CSNK1G3: variants seen among roughly 807,000 people sequenced by gnomAD.
CSNK1G3 encodes casein kinase I isoform gamma-3.
Under a neutral mutation model 64.3 loss-of-function variants are expected in CSNK1G3, and 23 were observed. The observed-to-expected ratio is 0.36, with a 90% CI of 0.26 to 0.51. The LOEUF is 0.51. Among genes scored for constraint, CSNK1G3 ranks in the 20% least tolerant of loss-of-function variants. CSNK1G3 has a pLI of 0.96. For missense variants in CSNK1G3, 357 were observed against 510.5 expected (o/e 0.70, Z 2.90); for synonymous variants, 158 against 162.2 (o/e 0.97, Z 0.20).
intron 2 of CSNK1G3, among the ~76,000 whole-genome samples, chr5:123,548,565 G>T (rs1783020939): frequency 6.6e-6 from 1 of 151,372 alleles, no homozygotes; most frequent in Non-Finnish European, 1.5e-5. Context: ...TTAAATACGT[G>T]TGTTTATCAT....
chr5:123,604,899 T>C, intron 11 of CSNK1G3, 69 bp downstream of exon 12: 2 of 1,194,334 alleles, frequency 1.7e-6, no homozygotes, highest in South Asian at 1.4e-5. Flanking sequence ...GATTTATAGT[T>C]ACATACAATT....
intron 4 of CSNK1G3, among the ~76,000 whole-genome samples, chr5:123,569,963 A>C (rs979648162): frequency 6.6e-6 from 1 of 152,176 alleles, no homozygotes; most frequent in African/African-American, 2.4e-5. Context: ...CTTTAAGATA[A>C]TCTTAAGGTT....
intron 1 of CSNK1G3, 74 bp from the exon 2 acceptor site, chr5:123,545,343 G>C (rs113557743): frequency 5.8e-5 from 11 of 190,880 alleles, no homozygotes; most frequent in African/African-American, 2.6e-4. Flanking sequence ...CTAAGCTTTT[G>C]TTATGTTATC....
intron 6 of CSNK1G3, among the ~76,000 whole-genome samples, chr5:123,576,505 TC>T (rs1325196136): frequency 2.6e-5 from 4 of 152,144 alleles, no homozygotes; most frequent in Non-Finnish European, 5.9e-5. Flanking sequence ...AATATCAACT[TC>T]ACAGGATTTT....
intron 4 of CSNK1G3, among the ~76,000 whole-genome samples, chr5:123,571,810 G>C (rs1057070000): frequency 6.6e-6 from 1 of 152,126 alleles, no homozygotes; most frequent in Non-Finnish European, 1.5e-5. Flanking sequence ...ATTTGTGGTG[G>C]AAGAAGTTCA....
At chr5:123,611,059 A>G (rs1004182179) in intron 12 of CSNK1G3, among the ~76,000 whole-genome samples, 1 of 152,242 alleles carries the variant, frequency 6.6e-6, no homozygotes, top group African/African-American at 2.4e-5. Flanking sequence ...AAGTGGCTAC[A>G]TGGGAGCAGC....
At chr5:123,613,466 C>T (rs938421798) in intron 12 of CSNK1G3, among the ~76,000 whole-genome samples, 1 of 150,304 alleles carries the variant, frequency 6.7e-6, no homozygotes, top group African/African-American at 2.4e-5. Context: ...TATGTGTGTA[C>T]ATTTATATAT....
intron 1 of CSNK1G3, among the ~76,000 whole-genome samples, chr5:123,524,812 C>T (rs142658259): frequency 1.7e-4 from 26 of 152,282 alleles, no homozygotes; most frequent in African/African-American, 6.0e-4. Flanking sequence ...ACTTCTTGTG[C>T]AGAGGTAGTG....
intron 2 of CSNK1G3, among the ~76,000 whole-genome samples, chr5:123,549,614 C>T (rs755034980): frequency 1.3e-5 from 2 of 152,204 alleles, no homozygotes; most frequent in African/African-American, 4.8e-5. Flanking sequence ...CATTGCCTTT[C>T]GCTGGGAAAC....
chr5:123,514,956 T>C (rs1188275473), intron 1 of CSNK1G3, among the ~76,000 whole-genome samples: 17 of 152,114 alleles, frequency 1.1e-4, no homozygotes, highest in Non-Finnish European at 1.2e-4. Context: ...CAAATAACGA[T>C]AGTAAGTTTA....
chr5:123,522,490 G>A (rs550799482), intron 1 of CSNK1G3, among the ~76,000 whole-genome samples: 1 of 141,058 alleles, frequency 7.1e-6, no homozygotes, highest in South Asian at 2.2e-4. Context: ...GCAATAGAGC[G>A]AGATTCTGTC....
intron 10 of CSNK1G3, among the ~76,000 whole-genome samples, chr5:123,602,188 G>A (rs1561615405): frequency 6.6e-6 from 1 of 152,114 alleles, no homozygotes. Context: ...TATCAAGGCA[G>A]TTTTGTATGT....
rs145234665 is a variant in CSNK1G3, at chr5:123,530,072, G to A, written c.-247-15345G>A. Among the ~76,000 whole-genome samples, 739 of 151,096 alleles carry A rather than the reference G, an allele frequency of 4.9e-3. 8 individuals are homozygous for A. Among genetic ancestry groups the A allele is most frequent in the South Asian group, 0.02 (97 of 4,800 alleles). On this transcript the variant is annotated intron_variant, in intron 1 of 12. Transcript: ENST00000345990. ...ACTGCACTCCAGCCTGGGTGACAAA[G>A]TGAGACCCTGTCTCAAAAAAAAAAA...
chr5:123,609,532 G>T (rs755167991), intron 12 of CSNK1G3, among the ~76,000 whole-genome samples: 6 of 152,102 alleles, frequency 3.9e-5, no homozygotes, highest in Non-Finnish European at 7.4e-5. Context: ...GATAAGTAAA[G>T]AATAATTTAT....
chr5:123,607,796 G>A (rs1002919641), intron 12 of CSNK1G3, among the ~76,000 whole-genome samples: 2 of 152,112 alleles, frequency 1.3e-5, no homozygotes, highest in African/African-American at 4.8e-5. Context: ...CTTACTTCAG[G>A]TGGGTTAGGT....
At chr5:123,615,069 T>C (rs554549037) in exon 13 of CSNK1G3, 1 of 152,752 alleles carries the variant, frequency 6.5e-6, no homozygotes, top group South Asian at 2.1e-4. Flanking sequence ...GTGCTCCGCT[T>C]TTGTTGCATC....
At chr5:123,541,378 A>G (rs1004287276) in intron 1 of CSNK1G3, among the ~76,000 whole-genome samples, 1 of 152,130 alleles carries the variant, frequency 6.6e-6, no homozygotes, top group Non-Finnish European at 1.5e-5. Flanking sequence ...CTATTTACAC[A>G]GTATATCTTT....
chr5:123,590,431 G>T, exon 9 of CSNK1G3: 1 of 1,476,346 alleles, frequency 6.8e-7, no homozygotes, highest in South Asian at 1.4e-5. Context: ...ACATATCTTC[G>T]TTATGTAAGA....
At chr5:123,529,233 C>G (rs1257623832) in intron 1 of CSNK1G3, among the ~76,000 whole-genome samples, 1 of 152,094 alleles carries the variant, frequency 6.6e-6, no homozygotes, top group Non-Finnish European at 1.5e-5. Flanking sequence ...GAGAAACATA[C>G]AAAAAACAAA....
Sources: gnomAD v4.1 joint callset for allele counts (sites outside exome capture counted in the v4.1 genomes callset) on GRCh38, gnomAD v4.1.1 for gene constraint, MANE v1.5 for transcripts, NCBI Gene and HGNC (gene_info 2026-07-23, HGNC 2026-07-21) for gene names.